Variants in ZNF804B observed in about 807,000 individuals in gnomAD.
ZNF804B encodes zinc finger 804B.
ZNF804B carries 80 observed loss-of-function variants against 101.4 expected under a neutral mutation model. That is an observed-to-expected ratio of 0.79 (90% CI 0.66 to 0.95). The LOEUF (loss-of-function observed/expected upper bound fraction) is 0.95. Ranked by LOEUF, ZNF804B falls within the 40% of genes least tolerant of loss-of-function variation. The pLI is 0.00. For missense variants in ZNF804B, 1,673 were observed against 1,561.9 expected (o/e 1.07, Z -1.20); for synonymous variants, 622 against 558.8 (o/e 1.11, Z -1.59).
At chr7:89,247,651 G>A (rs889373827) in intron 2 of ZNF804B, among the ~76,000 whole-genome samples, 4 of 152,100 alleles carry the variant, frequency 2.6e-5, no homozygotes, top group African/African-American at 9.7e-5. Flanking sequence ...AGAAGTCCTA[G>A]TCTCCAGATG....
chr7:88,856,990 G>A (rs1219042017), intron 1 of ZNF804B, among the ~76,000 whole-genome samples: 1 of 152,078 alleles, frequency 6.6e-6, no homozygotes, highest in Non-Finnish European at 1.5e-5. Context: ...TTTTTGATGT[G>A]CTGCTGGATT....
intron 1 of ZNF804B, among the ~76,000 whole-genome samples, chr7:88,973,426 C>G (rs1442835313): frequency 6.6e-6 from 1 of 151,232 alleles, no homozygotes; most frequent in Non-Finnish European, 1.5e-5. Context: ...CTCTCTCTCT[C>G]TTTTTAAATC....
chr7:89,208,317 C>T (rs141879177), intron 1 of ZNF804B, among the ~76,000 whole-genome samples: 2,550 of 152,154 alleles, frequency 0.017, 33 homozygotes, highest in Non-Finnish European at 0.024. Flanking sequence ...CTCCTGACCT[C>T]GTGATCCACC....
intron 1 of ZNF804B, among the ~76,000 whole-genome samples, chr7:88,819,538 T>C (rs1790942172): frequency 6.6e-6 from 1 of 152,124 alleles, no homozygotes; most frequent in Admixed American, 6.6e-5. Flanking sequence ...CCCACCAACT[T>C]CTTTCTGCCT....
intron 1 of ZNF804B, among the ~76,000 whole-genome samples, chr7:88,932,155 A>C (rs1198207853): frequency 2.0e-5 from 3 of 151,870 alleles, no homozygotes; most frequent in Admixed American, 6.6e-5. Context: ...TCACAGACAA[A>C]ATGGGTATGA....
At chr7:88,831,136 A>G (rs1314212637) in intron 1 of ZNF804B, among the ~76,000 whole-genome samples, 3 of 151,950 alleles carry the variant, frequency 2.0e-5, no homozygotes, top group East Asian at 1.9e-4. Context: ...GAGTTGTGCA[A>G]CCATCACCAC....
intron 1 of ZNF804B, among the ~76,000 whole-genome samples, chr7:88,991,178 T>G (rs1030499000): frequency 6.6e-6 from 1 of 152,170 alleles, no homozygotes; most frequent in African/African-American, 2.4e-5. Context: ...GATTTGATTT[T>G]CCTCATGATT....
intron 1 of ZNF804B, among the ~76,000 whole-genome samples, chr7:88,845,285 GCGCGCGCACGCGCGCGCA>G (rs1791353306): frequency 3.7e-5 from 4 of 107,168 alleles, no homozygotes; most frequent in Admixed American, 1.8e-4. Context: ...GTGCGCACGC[GCGCGCGCACGCGCGCGCA>G]CACACACACA....
chr7:89,120,187 G>T (rs1406571542), intron 1 of ZNF804B, among the ~76,000 whole-genome samples: 1 of 152,036 alleles, frequency 6.6e-6, no homozygotes, highest in East Asian at 1.9e-4. Flanking sequence ...GGTAGGCCGA[G>T]GCAGGAGAAT....
intron 1 of ZNF804B, among the ~76,000 whole-genome samples, chr7:89,133,424 G>C (rs1472379339): frequency 1.3e-5 from 2 of 152,024 alleles, no homozygotes; most frequent in Non-Finnish European, 2.9e-5. Flanking sequence ...AGGGACCTAG[G>C]TTCCTTTCAC....
chr7:89,235,669 T>C (rs1465409749), intron 2 of ZNF804B, among the ~76,000 whole-genome samples: 1 of 152,160 alleles, frequency 6.6e-6, no homozygotes, highest in Non-Finnish European at 1.5e-5. Flanking sequence ...TCACCTATTC[T>C]TTAGGACAGT....
In ZNF804B at chr7:89,337,828, C is replaced by A. The variant is rs1791126984; in HGVS notation, c.*796C>A. On this transcript the variant is annotated 3_prime_UTR_variant, in exon 4 of 4. Coordinates refer to ENST00000333190, the MANE Select transcript of ZNF804B (RefSeq NM_181646.5). ...AGAATAACCTTTTAAATATATTGGTCAATCTGTCAAATATAACAGGAACTA... is the reference window on the plus strand; with the variant it reads ...AGAATAACCTTTTAAATATATTGGTAAATCTGTCAAATATAACAGGAACTA... Among the ~76,000 whole-genome samples, 1 of 151,966 alleles carries A rather than the reference C, an allele frequency of 6.6e-6. No individual in the cohort carries two copies. The highest frequency in any genetic ancestry group is 1.5e-5 in the Non-Finnish European group (1 of 67,906).
intron 1 of ZNF804B, among the ~76,000 whole-genome samples, chr7:89,168,682 C>CTTTTTTTTTTT (rs372503661): frequency 8.6e-6 from 1 of 115,744 alleles, no homozygotes; most frequent in Non-Finnish European, 1.8e-5. Context: ...GAGCTGAATA[C>CTTTTTTTTTTT]TTTTTTTTTT....
At chr7:89,331,786 TA>T (rs1314971474) in intron 3 of ZNF804B, among the ~76,000 whole-genome samples, 1 of 151,254 alleles carries the variant, frequency 6.6e-6, no homozygotes, top group Non-Finnish European at 1.5e-5. Context: ...GAAGACAGAA[TA>T]AAGTACTGAG....
intron 1 of ZNF804B, among the ~76,000 whole-genome samples, chr7:88,865,260 G>A (rs1051437736): frequency 8.0e-5 from 12 of 150,478 alleles, no homozygotes; most frequent in East Asian, 2.0e-4. Context: ...GACCAGTTAC[G>A]GTGGCTTACA....
At chr7:89,136,826 A>C (rs1379381831) in intron 1 of ZNF804B, among the ~76,000 whole-genome samples, 2 of 151,610 alleles carry the variant, frequency 1.3e-5, no homozygotes, top group African/African-American at 4.9e-5. Flanking sequence ...AATTCCCACA[A>C]GTTGTAGGAG....
chr7:88,861,819 A>T (rs975417736), intron 1 of ZNF804B, among the ~76,000 whole-genome samples: 2 of 152,218 alleles, frequency 1.3e-5, no homozygotes, highest in Non-Finnish European at 2.9e-5. Flanking sequence ...TGGAGAAGGG[A>T]GAAATGCTGA....
At chr7:89,003,217 C>A (rs1335595430) in intron 1 of ZNF804B, among the ~76,000 whole-genome samples, 1 of 151,870 alleles carries the variant, frequency 6.6e-6, no homozygotes, top group Admixed American at 6.6e-5. Context: ...TCATCAGCTT[C>A]TTTAGGAGGC....
chr7:88,851,537 T>A (rs758277486), intron 1 of ZNF804B, among the ~76,000 whole-genome samples: 16 of 151,902 alleles, frequency 1.1e-4, no homozygotes, highest in Non-Finnish European at 2.1e-4. Context: ...AAAAATACCA[T>A]TTAAAAACAG....
Sources: gnomAD v4.1 joint callset for allele counts (sites outside exome capture counted in the v4.1 genomes callset) on GRCh38, gnomAD v4.1.1 for gene constraint, MANE v1.5 for transcripts, NCBI Gene and HGNC (gene_info 2026-07-23, HGNC 2026-07-21) for gene names.